The following FANCB variants were observed in gnomAD, a reference collection of about 807,000 sequenced individuals.
FANCB encodes the protein FA complementation group B, also known as Fanconi anemia group B protein.
FANCB carries 5 observed loss-of-function variants against 38.9 expected under a neutral mutation model. The ratio of observed to expected loss-of-function variants is 0.13; its 90% confidence interval spans 0.07 to 0.27. The LOEUF is 0.27. Ranked by LOEUF, FANCB falls within the 10% of genes least tolerant of loss-of-function variation. The pLI is 1.00. For synonymous variants in FANCB, 236 were observed against 215.4 expected (o/e 1.10, Z -0.84); for missense variants, 573 against 602.7 (o/e 0.95, Z 0.52).
chrX:14,871,546 C>G (rs1160676136), intron 1 of FANCB, among the ~76,000 whole-genome samples: 1 of 110,724 alleles, frequency 9.0e-6, no homozygotes, highest in African/African-American at 3.3e-5. Context: ...CCTCAATGAA[C>G]ACCAATAGGG....
chrX:14,867,437 C>A (rs1225281416), intron 2 of FANCB, among the ~76,000 whole-genome samples: 1 of 110,802 alleles, frequency 9.0e-6, no homozygotes, highest in Non-Finnish European at 1.9e-5. Context: ...CATGCACCAA[C>A]AACCAACTAA....
chrX:14,838,047 T>C (rs2092345643), intron 10 of FANCB, among the ~76,000 whole-genome samples: 1 of 112,314 alleles, frequency 8.9e-6, no homozygotes, highest in African/African-American at 3.2e-5. Context: ...AGGAACTGAA[T>C]GTATAACCTT....
At chrX:14,855,116 T>C (rs996652889) in intron 5 of FANCB, among the ~76,000 whole-genome samples, 9 of 111,756 alleles carry the variant, frequency 8.1e-5, no homozygotes, top group African/African-American at 2.9e-4. Flanking sequence ...TATGCTCAGT[T>C]GTGCAGTGTT....
rs1161918267 is a variant in FANCB, at chrX:14,859,300, A to T, written c.986T>A (p.Leu329Gln). Residue 329 changes from leucine (L) to glutamine (Q), a missense_variant, in exon 4 of 10, where the codon CTG (leucine) becomes CAG (glutamine). By Grantham distance (113) the Leu-to-Gln change is moderately radical. Coordinates refer to ENST00000650831, the MANE Select transcript of FANCB (RefSeq NM_001018113.3). ...TCCACTTCCAATAAAGTCATCTATC[A>T]GTACTAAGCTAAGTTTTTCCCATTT... ...AAKWEKLSLV[L>Q]IDDFIGSGTE... 2 of 1,190,755 alleles carry T rather than the reference A, an allele frequency of 1.7e-6. No homozygotes were observed. The highest frequency in any genetic ancestry group is 2.3e-6 in the Non-Finnish European group (2 of 878,505).
the FANCB span, among the ~76,000 whole-genome samples, chrX:14,703,238 G>A: frequency 1.8e-5 from 2 of 111,637 alleles, no homozygotes; most frequent in African/African-American, 6.5e-5. Context: ...AATACTCAGA[G>A]GCCATCTTTG....
chrX:14,869,792 T>C (rs765306286), intron 1 of FANCB, among the ~76,000 whole-genome samples: 4 of 112,095 alleles, frequency 3.6e-5, no homozygotes, highest in Non-Finnish European at 7.5e-5. Flanking sequence ...ATCATTGCTA[T>C]GAAGCTTAGC....
chrX:14,832,318 G>A (rs958584505), downstream of FANCB, among the ~76,000 whole-genome samples: 1 of 111,193 alleles, frequency 9.0e-6, no homozygotes, highest in African/African-American at 3.3e-5. Flanking sequence ...CATTTTCCCT[G>A]TGTCTCTGTA....
downstream of FANCB, among the ~76,000 whole-genome samples, chrX:14,839,439 T>A (rs1348270261): frequency 8.9e-6 from 1 of 111,875 alleles, no homozygotes; most frequent in Non-Finnish European, 1.9e-5. Flanking sequence ...TATGAAATAT[T>A]GAGAAACAAG....
intron 1 of FANCB, chrX:14,869,390 T>G (rs2092484964): frequency 8.9e-6 from 1 of 111,975 alleles, no homozygotes; most frequent in African/African-American, 3.2e-5. Flanking sequence ...GGTCAGAATT[T>G]ATGAAAGTTA....
At chrX:14,717,030 C>T in the FANCB span, among the ~76,000 whole-genome samples, 1 of 110,771 alleles carries the variant, frequency 9.0e-6, no homozygotes, top group Non-Finnish European at 1.9e-5. Flanking sequence ...ATGCCCCCTT[C>T]AAAAAAAGCA....
the FANCB span, among the ~76,000 whole-genome samples, chrX:14,812,135 T>C: frequency 9.1e-6 from 1 of 109,692 alleles, no homozygotes; most frequent in Non-Finnish European, 1.9e-5. Context: ...AGACACAACA[T>C]ACCAGAATCT....
At chrX:14,840,578 A>C (rs188818495), downstream of FANCB, among the ~76,000 whole-genome samples, 16 of 112,251 alleles carry the variant, frequency 1.4e-4, no homozygotes, top group African/African-American at 5.2e-4. Flanking sequence ...AAAGTGAAAT[A>C]GATGTGGAAA....
At chrX:14,863,901 G>A (rs1175525335) in intron 3 of FANCB, among the ~76,000 whole-genome samples, 1 of 112,112 alleles carries the variant, frequency 8.9e-6, no homozygotes. Flanking sequence ...TTGGGAGGCC[G>A]AGGCAGGCGG....
the FANCB span, among the ~76,000 whole-genome samples, chrX:14,700,232 C>G: frequency 9.0e-6 from 1 of 110,673 alleles, no homozygotes; most frequent in Admixed American, 9.7e-5. Context: ...GAGGTTAAAG[C>G]TATGGAAGTG....
At chrX:14,744,799 T>C in the FANCB span, among the ~76,000 whole-genome samples, 2 of 111,583 alleles carry the variant, frequency 1.8e-5, no homozygotes, top group African/African-American at 3.3e-5. Context: ...TCAGTTATCA[T>C]TAAAATGGGC....
At chrX:14,708,701 C>T in the FANCB span, among the ~76,000 whole-genome samples, 2 of 111,665 alleles carry the variant, frequency 1.8e-5, no homozygotes, top group Non-Finnish European at 3.8e-5. Context: ...CTTTGGGAGG[C>T]CGAGGTGGGC....
the FANCB span, among the ~76,000 whole-genome samples, chrX:14,691,481 T>C: frequency 8.9e-6 from 1 of 112,108 alleles, no homozygotes; most frequent in Admixed American, 9.5e-5. Context: ...TGCAGAATTC[T>C]AAGCTTTACA....
chrX:14,728,177 C>T, the FANCB span, among the ~76,000 whole-genome samples: 1 of 110,561 alleles, frequency 9.0e-6, no homozygotes, highest in Non-Finnish European at 1.9e-5. Context: ...TCACGTGAGC[C>T]CAGGAGTTCA....
chrX:14,870,482 A>G (rs1194495905), intron 1 of FANCB, among the ~76,000 whole-genome samples: 1 of 111,562 alleles, frequency 9.0e-6, no homozygotes, highest in Non-Finnish European at 1.9e-5. Context: ...GGAGACCAGA[A>G]AGTAGATTAT....
Sources: gnomAD v4.1 joint callset for allele counts (sites outside exome capture counted in the v4.1 genomes callset) on GRCh38, gnomAD v4.1.1 for gene constraint, MANE v1.5 for transcripts, NCBI Gene and HGNC (gene_info 2026-07-23, HGNC 2026-07-21) for gene names.